The following SLC32A1 variants were observed in gnomAD, a reference collection of about 807,000 sequenced individuals.
SLC32A1 encodes vesicular inhibitory amino acid transporter.
SLC32A1 carries 8 observed loss-of-function variants against 35.5 expected under a neutral mutation model. The observed-to-expected ratio is 0.23, with a 90% CI of 0.13 to 0.41. The LOEUF (loss-of-function observed/expected upper bound fraction) is 0.41. Among genes scored for constraint, SLC32A1 ranks in the 10% least tolerant of loss-of-function variants. The probability of loss-of-function intolerance (pLI) is 1.00; values close to 1 mark genes in which losing one functional copy is unlikely to be tolerated. For missense variants in SLC32A1, 493 were observed against 722.3 expected (o/e 0.68, Z 3.64); for synonymous variants, 317 against 326.3 (o/e 0.97, Z 0.31).
intron 1 of SLC32A1, among the ~76,000 whole-genome samples, 175 bp from the exon 2 acceptor site, chr20:38,727,277 C>T (rs1043635582): frequency 1.3e-5 from 2 of 152,138 alleles, no homozygotes; most frequent in African/African-American, 4.8e-5. Context: ...ACTATTAGTT[C>T]CCCTACATCC....
At chr20:38,725,836 A>G (rs1273281889) in intron 1 of SLC32A1, among the ~76,000 whole-genome samples, 1 of 152,200 alleles carries the variant, frequency 6.6e-6, no homozygotes, top group African/African-American at 2.4e-5. Flanking sequence ...TTGGAGACAT[A>G]CAGGTATACA....
At position 38,727,630 on chromosome 20, in the gene SLC32A1, C is replaced by T; in HGVS notation, c.569C>T (p.Ala190Val). The T allele has an allele frequency of 6.2e-7, 1 of 1,613,884 alleles. No homozygotes were observed. Among genetic ancestry groups the T allele is most frequent in the Non-Finnish European group, 8.5e-7 (1 of 1,180,054 alleles). Residue 190 changes from alanine to valine, a missense_variant, in exon 2 of 2, where the codon GCC becomes GTC. Ala to Val is a moderately conservative substitution (Grantham distance 64). Coordinates refer to ENST00000217420, the MANE Select transcript of SLC32A1 (RefSeq NM_080552.3). ...VRVRDSYVAI[A>V]NACCAPRFPT... ...GTGCGGGACTCGTACGTGGCCATAG[C>T]CAACGCCTGCTGCGCCCCGCGCTTC...
chr20:38,728,697 GC>G lies in SLC32A1; in HGVS notation c.*63del, dbSNP rs1221312808. The G allele has an allele frequency of 9.8e-5, 131 of 1,338,390 alleles. 1 individual carries two copies. The African/African-American group carries it at 1.8e-3, about 19-fold the overall frequency. The allele number at this position is 1,338,390 out of a possible 1,614,324, so 82.9% of individuals were successfully genotyped here. A position where few individuals can be genotyped will look rare whatever the true frequency, so the allele number is the denominator to read the frequency against. On this transcript the variant is annotated 3_prime_UTR_variant, in exon 2 of 2. Coordinates refer to ENST00000217420, the MANE Select transcript of SLC32A1 (RefSeq NM_080552.3). Reference sequence around the variant, plus strand: ...GCTCTCTCCCTTCTCCCCTCACCCCGCCCCCACCAGCCCAGTGCGCCCTGCC... The same window carrying G: ...GCTCTCTCCCTTCTCCCCTCACCCCGCCCCACCAGCCCAGTGCGCCCTGCC...
chr20:38,728,353 G>T lies in SLC32A1; in HGVS notation c.1292G>T (p.Trp431Leu), dbSNP rs1366671591. 2 of 1,612,520 alleles carry T rather than the reference G, an allele frequency of 1.2e-6. No individual in the cohort carries two copies. Among genetic ancestry groups the T allele is most frequent in the Non-Finnish European group, 1.7e-6 (2 of 1,179,676 alleles). The change falls in exon 2 of 2, where the codon TGG (tryptophan) becomes TTG (leucine). Residue 431 changes from tryptophan (W) to leucine (L), a missense_variant. By Grantham distance (61) the Trp-to-Leu change is moderately conservative. Around this residue, in one of 4 missense-constraint regions of SLC32A1, gnomAD observed 269 missense variants for 445.6 expected, o/e 0.60. Transcript: ENST00000217420. ...AGCGGCGACGGGCGCCTGAAGTCCT[G>T]GGGGCTGACGCTGCGCTGCGCGCTC... ...CYSGDGRLKS[W>L]GLTLRCALVV...
chr20:38,725,984 C>T (rs532370574), intron 1 of SLC32A1, among the ~76,000 whole-genome samples: 2 of 152,312 alleles, frequency 1.3e-5, no homozygotes, highest in East Asian at 3.9e-4. Context: ...CCCCGTGTGA[C>T]CCTGGCGAAG....
rs2084286658 is a variant in SLC32A1 at position 38,728,397 on chromosome 20, A to G, written c.1336A>G (p.Met446Val). 6.2e-7 allele frequency: 1 copy of G among 1,610,670 alleles called. No homozygotes were observed. Among genetic ancestry groups the G allele is most frequent in the Non-Finnish European group, 8.5e-7 (1 of 1,178,842 alleles). The change falls in exon 2 of 2, where the codon ATG becomes GTG. Residue 446 changes from methionine (M) to valine (V), a missense_variant. Coordinates refer to ENST00000217420, the MANE Select transcript of SLC32A1 (RefSeq NM_080552.3). ...CGCGCTCGTCGTCTTCACGCTGCTC[A>G]TGGCCATTTATGTGCCGCACTTCGC... ...RCALVVFTLL[M>V]AIYVPHFALL...
chr20:38,725,350 T>A (rs962211125), intron 1 of SLC32A1, among the ~76,000 whole-genome samples: 3 of 152,068 alleles, frequency 2.0e-5, no homozygotes, highest in Non-Finnish European at 2.9e-5. Context: ...TAGGCTGAAG[T>A]TCGGTCTGAG....
intron 1 of SLC32A1, 75 bp downstream of exon 1, chr20:38,725,189 C>T: frequency 6.8e-7 from 1 of 1,474,634 alleles, no homozygotes; most frequent in Non-Finnish European, 9.0e-7. Context: ...CCCCGACAGT[C>T]GCCCGGTGAT....
Position 38,726,982 on chromosome 20 carries a change from G to GT in SLC32A1, c.391-469dup, listed in dbSNP as rs947607317. Among the ~76,000 whole-genome samples the GT allele has an allele frequency of 6.6e-6, 1 of 151,592 alleles. No homozygotes were observed. The highest frequency in any genetic ancestry group is 2.4e-5 in the African/African-American group (1 of 41,190). ...CCATTCCAGCCCCACCACAAATCCC[G>GT]TGCCCACTCTTTCCACTGGCCCAGG... is the stretch of plus-strand genomic sequence containing the variant. On this transcript the variant is annotated intron_variant, in intron 1 of 1. Transcript: ENST00000217420. This position sits in a 1 kb window ranked among gnomAD's most constrained non-coding sequence, Gnocchi z 4.7.
Position 38,726,962 on chromosome 20 carries a change from C to T in SLC32A1, c.391-490C>T, listed in dbSNP as rs2084278395. On this transcript the variant is annotated intron_variant, in intron 1 of 1. Coordinates refer to ENST00000217420, the MANE Select transcript of SLC32A1 (RefSeq NM_080552.3). This position sits in a 1 kb window ranked among gnomAD's most constrained non-coding sequence, Gnocchi z 4.7. ...TCCTCTTTAGCTCCCGTGCCCCATT[C>T]CAGCCCCACCACAAATCCCGTGCCC... Among the ~76,000 whole-genome samples the T allele has an allele frequency of 6.6e-6, 1 of 152,146 alleles. No homozygotes were observed. The highest frequency in any genetic ancestry group is 6.5e-5 in the Admixed American group (1 of 15,284).
In SLC32A1 at chr20:38,728,065, A is replaced by C. The variant is rs758942917; in HGVS notation, c.1004A>C (p.Glu335Ala). 3 of 1,613,992 alleles carry C rather than the reference A, an allele frequency of 1.9e-6. No homozygotes were observed. Among genetic ancestry groups the C allele is most frequent in the Non-Finnish European group, 1.7e-6 (2 of 1,180,044 alleles). ...SLEGNMQQPS[E>A]FHCMMNWTHI... is the part of the protein sequence containing the mutation. ...GAGGGCAATATGCAGCAGCCCAGCG[A>C]GTTCCACTGCATGATGAACTGGACG... The change falls in exon 2 of 2, where the codon GAG becomes GCG. Residue 335 changes from glutamate (E) to alanine (A), a missense_variant. Around this residue, in one of 4 missense-constraint regions of SLC32A1, gnomAD observed 269 missense variants for 445.6 expected, o/e 0.60. Transcript: ENST00000217420.
In SLC32A1 at chr20:38,727,589, C is replaced by G. The variant is rs780997867; in HGVS notation, c.528C>G (p.Asp176Glu). ...CGTGCCTGTACGAGGAGAATGAAGA[C>G]GGCGAGGTGGTGCGCGTGCGGGACT... Reference protein sequence around the residue: ...LIACLYEENEDGEVVRVRDSY... With the variant: ...LIACLYEENEEGEVVRVRDSY... Residue 176 changes from aspartate to glutamate, a missense_variant, in exon 2 of 2, where the codon GAC becomes GAG. This residue lies in a region of SLC32A1 where 46 missense variants were observed against 39.7 expected (regional missense o/e 1.16). Transcript: ENST00000217420. 1.3e-5 allele frequency: 21 copies of G among 1,611,814 alleles called. No individual in the cohort carries two copies. Among genetic ancestry groups the G allele is most frequent in the Middle Eastern group, 1.6e-4 (1 of 6,084 alleles).
chr20:38,729,053 A>G lies in SLC32A1; in HGVS notation c.*414A>G, dbSNP rs1409061083. ...CCAGAGCTCGGAATCTACAGCGTCC[A>G]GCCATTTCCAGCAAGAGCGCTTCCC... On this transcript the variant is annotated 3_prime_UTR_variant, in exon 2 of 2. Transcript: ENST00000217420. The G allele has an allele frequency of 6.0e-6, 1 of 166,046 alleles. No homozygotes were observed. Among genetic ancestry groups the G allele is most frequent in the African/African-American group, 2.4e-5 (1 of 41,962 alleles). The allele number at this position is 166,046 out of a possible 1,614,324, so 10.3% of individuals were successfully genotyped here. A position where few individuals can be genotyped will look rare whatever the true frequency, so the allele number is the denominator to read the frequency against.
chr20:38,725,364 C>A (rs142667398), intron 1 of SLC32A1, among the ~76,000 whole-genome samples: 17 of 152,234 alleles, frequency 1.1e-4, no homozygotes, highest in Admixed American at 8.5e-4. Flanking sequence ...GTCTGAGACA[C>A]CTGTCCGGAG....
At position 38,726,654 on chromosome 20, in the gene SLC32A1, C is replaced by T. The variant is rs1373610139; in HGVS notation, c.391-798C>T. 6.6e-6 allele frequency among the ~76,000 whole-genome samples: 1 copy of T among 152,194 alleles called. No individual in the cohort carries two copies. Among genetic ancestry groups the T allele is most frequent in the Non-Finnish European group, 1.5e-5 (1 of 68,022 alleles). On this transcript the variant is annotated intron_variant, in intron 1 of 1. Coordinates refer to ENST00000217420, the MANE Select transcript of SLC32A1 (RefSeq NM_080552.3). The surrounding 1 kb of genome is among the most constrained non-coding windows in gnomAD (Gnocchi z 4.7). ...CTCCCTGGCGCCTTCCCGCCAAGCT[C>T]CTCCTCCTGCTTGCCTCCCCAGCCT...
chr20:38,728,707 G>A lies in SLC32A1; in HGVS notation c.*68G>A. 1 of 1,261,882 alleles carries A rather than the reference G, an allele frequency of 7.9e-7. No individual in the cohort carries two copies. 78.2% of individuals were successfully genotyped at this position (1,261,882 alleles called of 1,614,324 possible). ...TTCTCCCCTCACCCCGCCCCCACCA[G>A]CCCAGTGCGCCCTGCCGCCGCGCTT... On this transcript the variant is annotated 3_prime_UTR_variant, in exon 2 of 2. Coordinates refer to ENST00000217420, the MANE Select transcript of SLC32A1 (RefSeq NM_080552.3).
rs571015734 is a variant in SLC32A1 at position 38,727,424 on chromosome 20, C to A, written c.391-28C>A. On this transcript the variant is annotated intron_variant, in intron 1 of 1. Coordinates refer to ENST00000217420, the MANE Select transcript of SLC32A1 (RefSeq NM_080552.3). ...TCCGTTGCCAAGTTCGCTGAGCGTC[C>A]GCGTCTGGTTGCCTCTCCGCCCCAC... is the stretch of plus-strand genomic sequence containing the variant. The A allele has an allele frequency of 4.4e-6, 7 of 1,593,468 alleles. No individual in the cohort carries two copies. In the East Asian group the frequency reaches 9.0e-5, roughly 20 times the overall value.
Position 38,726,492 on chromosome 20 carries a change from G to A in SLC32A1, c.391-960G>A, listed in dbSNP as rs1202970682. ...GGCCCCAAGGGAGGCCAGGGCAGGA[G>A]GCTGGAGGCTCGTAGGCCTCCGGGA... On this transcript the variant is annotated intron_variant, in intron 1 of 1. Coordinates refer to ENST00000217420, the MANE Select transcript of SLC32A1 (RefSeq NM_080552.3). This position sits in a 1 kb window ranked among gnomAD's most constrained non-coding sequence, Gnocchi z 4.7. Among the ~76,000 whole-genome samples the A allele has an allele frequency of 6.6e-6, 1 of 152,156 alleles. No homozygotes were observed. Among genetic ancestry groups the A allele is most frequent in the Non-Finnish European group, 1.5e-5 (1 of 68,020 alleles).
chr20:38,728,728 C>A lies in SLC32A1; in HGVS notation c.*89C>A. 2 of 1,216,336 alleles carry A rather than the reference C, an allele frequency of 1.6e-6. No individual in the cohort carries two copies. Among genetic ancestry groups the A allele is most frequent in the Non-Finnish European group, 2.2e-6 (2 of 903,292 alleles). The allele number at this position is 1,216,336 out of a possible 1,614,324, so 75.3% of individuals were successfully genotyped here. ...ACCAGCCCAGTGCGCCCTGCCGCCG[C>A]GCTTGGGAGGCCAAGCTTTAAACAT... On this transcript the variant is annotated 3_prime_UTR_variant, in exon 2 of 2. Transcript: ENST00000217420.
Sources: allele counts gnomAD v4.1 joint callset (sites outside exome capture counted in the v4.1 genomes callset), GRCh38; gene constraint gnomAD v4.1.1; regional missense constraint gnomAD v4.1.1; non-coding constraint Gnocchi (gnomAD v3.1); transcripts MANE v1.5; gene names NCBI Gene and HGNC (gene_info 2026-07-23, HGNC 2026-07-21).